The following SLC38A6 variants were observed in gnomAD, a reference collection of about 807,000 sequenced individuals.
SLC38A6 encodes solute carrier family 38 member 6.
In SLC38A6, 73 loss-of-function variants were observed where a neutral mutation model predicts 65.0. The observed-to-expected ratio is 1.12, with a 90% CI of 0.93 to 1.37. The LOEUF is 1.37. Ranked by LOEUF, SLC38A6 falls within the 40% of genes most tolerant of loss-of-function variation. The probability of loss-of-function intolerance (pLI) is 0.00; values close to 1 mark genes in which losing one functional copy is unlikely to be tolerated. For synonymous variants in SLC38A6, 183 were observed against 178.8 expected (o/e 1.02, Z -0.19); for missense variants, 561 against 531.1 (o/e 1.06, Z -0.55).
At chr14:61,081,871 A>G (rs192100800) in intron 16 of SLC38A6, among the ~76,000 whole-genome samples, 13 of 152,246 alleles carry the variant, frequency 8.5e-5, no homozygotes, top group African/African-American at 3.1e-4. Context: ...TCAGGATGGA[A>G]TCCTGATTCC....
intron 6 of SLC38A6, 71 bp downstream of exon 6, chr14:61,030,594 G>C: frequency 9.5e-7 from 1 of 1,055,894 alleles, no homozygotes; most frequent in Non-Finnish European, 1.4e-6. Context: ...GCTGTAAATG[G>C]CAATACTTGT....
chr14:61,006,618 C>T (rs1476319776), intron 3 of SLC38A6, among the ~76,000 whole-genome samples: 2 of 152,180 alleles, frequency 1.3e-5, no homozygotes, highest in Non-Finnish European at 2.9e-5. Flanking sequence ...ATCAAAACCA[C>T]AATGAGATAC....
chr14:61,038,603 A>G (rs1015078886), intron 8 of SLC38A6, among the ~76,000 whole-genome samples: 6 of 152,198 alleles, frequency 3.9e-5, no homozygotes, highest in African/African-American at 1.4e-4. Flanking sequence ...GCCATATTAA[A>G]GATCCAGATT....
chr14:61,065,396 G>A (rs766809140), intron 15 of SLC38A6, among the ~76,000 whole-genome samples: 2 of 152,104 alleles, frequency 1.3e-5, no homozygotes, highest in South Asian at 4.1e-4. Context: ...TCCATTTTCC[G>A]GTGAACTTTG....
intron 5 of SLC38A6, among the ~76,000 whole-genome samples, chr14:61,023,309 G>A (rs187282644): frequency 3.7e-4 from 56 of 152,182 alleles, no homozygotes; most frequent in Non-Finnish European, 5.9e-4. Context: ...GGAGGCCCAC[G>A]CCTGTAAGCC....
intron 15 of SLC38A6, among the ~76,000 whole-genome samples, chr14:61,073,443 T>C (rs1461859133): frequency 6.6e-6 from 1 of 152,156 alleles, no homozygotes; most frequent in South Asian, 2.1e-4. Context: ...AACGTGAGTT[T>C]TGGGGGGAAC....
chr14:61,030,291 G>A (rs1386126082), intron 5 of SLC38A6, among the ~76,000 whole-genome samples, 154 bp from the exon 6 acceptor site: 2 of 151,544 alleles, frequency 1.3e-5, no homozygotes, highest in Non-Finnish European at 2.9e-5. Context: ...GTGTGTGTGT[G>A]TGTGTGTGTA....
At chr14:61,077,388 T>C (rs544060689) in intron 15 of SLC38A6, among the ~76,000 whole-genome samples, 1 of 152,352 alleles carries the variant, frequency 6.6e-6, no homozygotes, top group Non-Finnish European at 1.5e-5. Flanking sequence ...TAGTTGACTC[T>C]TTCCCCAGTC....
At position 61,061,826 on chromosome 14, in the gene SLC38A6, TTTTTGTTTTG is replaced by T. The variant is rs539694591; in HGVS notation, c.1290+9712_1290+9721del. On this transcript the variant is annotated intron_variant, in intron 15 of 16. Coordinates refer to the SLC38A6 transcript ENST00000354886. ...TGCTCTAAGCATTCGTGTGCAGGTT[TTTTTGTTTTG>T]TTTTGTTTTGTTTTGTTTTGAGACA... Among the ~76,000 whole-genome samples, 1,142 of 150,896 alleles carry T rather than the reference TTTTTGTTTTG, an allele frequency of 7.6e-3. 42 individuals carry two copies. Among genetic ancestry groups the T allele is most frequent in the Admixed American group, 0.067 (1,017 of 15,168 alleles).
At chr14:61,027,117 C>A (rs2040653040) in intron 5 of SLC38A6, among the ~76,000 whole-genome samples, 1 of 152,142 alleles carries the variant, frequency 6.6e-6, no homozygotes, top group Non-Finnish European at 1.5e-5. Flanking sequence ...TTAAAGAGTG[C>A]TTTCAACTTC....
chr14:61,065,293 A>G (rs1018416850), intron 15 of SLC38A6, among the ~76,000 whole-genome samples: 4 of 152,162 alleles, frequency 2.6e-5, no homozygotes, highest in East Asian at 1.9e-4. Flanking sequence ...TTTGTTTGCT[A>G]CTGTACTGTA....
intron 16 of SLC38A6, among the ~76,000 whole-genome samples, chr14:61,081,938 C>T (rs898054265): frequency 9.9e-5 from 15 of 152,194 alleles, no homozygotes; most frequent in Non-Finnish European, 1.8e-4. Flanking sequence ...TTCTGTGGAA[C>T]GTGGTATCGG....
chr14:61,079,873 T>A (rs1464486951), intron 16 of SLC38A6, among the ~76,000 whole-genome samples: 1 of 152,188 alleles, frequency 6.6e-6, no homozygotes, highest in Non-Finnish European at 1.5e-5. Context: ...TCCTGTGGGA[T>A]CCATGGAATG....
chr14:61,030,243 T>C (rs2040874375), intron 5 of SLC38A6, among the ~76,000 whole-genome samples: 1 of 149,424 alleles, frequency 6.7e-6, no homozygotes, highest in East Asian at 2.0e-4. Context: ...CAATTGTTAT[T>C]CTTCTCTACA....
chr14:61,040,338 A>ATTTTT (rs71114180), intron 8 of SLC38A6, among the ~76,000 whole-genome samples: 2 of 134,750 alleles, frequency 1.5e-5, no homozygotes, highest in African/African-American at 5.5e-5. Flanking sequence ...CGCCTGGATA[A>ATTTTT]TTTTTTTTTT....
chr14:61,049,476 T>C (rs771766593), intron 12 of SLC38A6, among the ~76,000 whole-genome samples: 1 of 152,154 alleles, frequency 6.6e-6, no homozygotes, highest in Non-Finnish European at 1.5e-5. Context: ...GCCATCCCCA[T>C]TTTAAAGATG....
intron 6 of SLC38A6, among the ~76,000 whole-genome samples, chr14:61,035,075 G>A (rs1432375524): frequency 6.6e-6 from 1 of 152,062 alleles, no homozygotes; most frequent in Non-Finnish European, 1.5e-5. Flanking sequence ...TTGCAAAGTG[G>A]GAATTTTGAG....
chr14:60,993,000 C>G (rs2038024763), intron 3 of SLC38A6, among the ~76,000 whole-genome samples: 1 of 152,116 alleles, frequency 6.6e-6, no homozygotes. Context: ...GCACCCACCA[C>G]CACATCCGGC....
chr14:61,052,210 G>GC, intron 15 of SLC38A6, 75 bp downstream of exon 15: 1 of 1,335,450 alleles, frequency 7.5e-7, no homozygotes, highest in Non-Finnish European at 1.0e-6. Context: ...TATTTTACCT[G>GC]CATCAAGAAA....
Sources: allele counts gnomAD v4.1 joint callset (sites outside exome capture counted in the v4.1 genomes callset), GRCh38; gene constraint gnomAD v4.1.1; transcripts MANE v1.5; gene names NCBI Gene and HGNC (gene_info 2026-07-23, HGNC 2026-07-21).